ROBO1: variants seen among roughly 807,000 people sequenced by gnomAD.
ROBO1 encodes roundabout guidance receptor 1.
ROBO1 carries 149 observed loss-of-function variants against 195.9 expected under a neutral mutation model. The ratio of observed to expected loss-of-function variants is 0.76; its 90% CI spans 0.67 to 0.87. The LOEUF is 0.87. Ranked by LOEUF, ROBO1 falls within the 40% of genes least tolerant of loss-of-function variation. The pLI, the probability that ROBO1 is intolerant of heterozygous loss-of-function variation, is 0.00. For missense variants in ROBO1, 1,933 were observed against 2,068.3 expected (o/e 0.93, Z 1.27); for synonymous variants, 816 against 733.2 (o/e 1.11, Z -1.82).
rs535168326 is a variant in ROBO1 at position 79,096,748 on chromosome 3, GTATGTA to G, written c.172+28702_172+28707del. 2.1e-3 allele frequency among the ~76,000 whole-genome samples: 313 copies of G among 150,720 alleles called. 2 individuals are homozygous for G. The highest frequency in any genetic ancestry group is 0.01 in the Middle Eastern group (3 of 290). ...TAAATATGTATATATGTGTGTGTGT[GTATGTA>G]TATGTATATGTATATGTCCAAAGAA... is the stretch of plus-strand genomic sequence containing the variant. On this transcript the variant is annotated intron_variant, in intron 3 of 30. Transcript: ENST00000464233.
At chr3:78,817,669 A>G (rs1415356534) in intron 4 of ROBO1, among the ~76,000 whole-genome samples, 1 of 152,252 alleles carries the variant, frequency 6.6e-6, no homozygotes, top group Non-Finnish European at 1.5e-5. Context: ...GAAGATTTAC[A>G]TGGAAATACT....
Position 78,922,605 on chromosome 3 carries a change from CTTT to C in ROBO1, c.499+15993_499+15995del, listed in dbSNP as rs565147879. On this transcript the variant is annotated intron_variant, in intron 4 of 30. Coordinates refer to ENST00000464233, the MANE Select transcript of ROBO1 (RefSeq NM_002941.4). ...TTTTCTTCTTCTCCTTCTTCTTCTT[CTTT>C]TTTTTTTTTTTTTTTGACAGAGTCT... Among the ~76,000 whole-genome samples the C allele has an allele frequency of 2.5e-3, 311 of 123,156 alleles. 1 individual carries two copies. Among genetic ancestry groups the C allele is most frequent in the African/African-American group, 9.2e-3 (292 of 31,858 alleles). The allele number at this position is 123,156 out of a possible 152,430, so 80.8% of individuals were successfully genotyped here.
intron 8 of ROBO1, among the ~76,000 whole-genome samples, chr3:78,702,249 A>G (rs561449828): frequency 1.3e-5 from 2 of 152,276 alleles, no homozygotes; most frequent in Admixed American, 1.3e-4. Context: ...ATCTATCAAA[A>G]TATTTAAAAC....
chr3:79,425,556 A>G (rs2038411503), intron 2 of ROBO1, among the ~76,000 whole-genome samples: 2 of 152,130 alleles, frequency 1.3e-5, no homozygotes, highest in African/African-American at 2.4e-5. Flanking sequence ...TTCTTTGGCT[A>G]GCACTGAATT....
At chr3:78,913,054 C>T (rs916989870) in intron 4 of ROBO1, among the ~76,000 whole-genome samples, 4 of 152,008 alleles carry the variant, frequency 2.6e-5, no homozygotes, top group Admixed American at 2.6e-4. Flanking sequence ...AAAAATGTTA[C>T]CTTTATTTGA....
intron 4 of ROBO1, among the ~76,000 whole-genome samples, chr3:78,803,987 A>T (rs1036476554): frequency 6.6e-6 from 1 of 152,164 alleles, no homozygotes; most frequent in Admixed American, 6.5e-5. Context: ...AATCATATGC[A>T]CCTAGACCAT....
At chr3:78,884,124 T>A (rs1000975560) in intron 4 of ROBO1, among the ~76,000 whole-genome samples, 8 of 152,126 alleles carry the variant, frequency 5.3e-5, no homozygotes, top group African/African-American at 1.2e-4. Context: ...ATACATTTTT[T>A]AAAAAATGAA....
intron 1 of ROBO1, among the ~76,000 whole-genome samples, chr3:79,629,472 C>T (rs747212075): frequency 6.6e-6 from 1 of 151,764 alleles, no homozygotes; most frequent in Non-Finnish European, 1.5e-5. Flanking sequence ...CATACCGAAA[C>T]CTCGGGGATA....
intron 1 of ROBO1, among the ~76,000 whole-genome samples, chr3:79,711,777 G>A (rs1239553535): frequency 2.6e-5 from 4 of 152,106 alleles, no homozygotes; most frequent in African/African-American, 9.7e-5. Context: ...GTCTATGGAT[G>A]TCATTGTTCT....
chr3:79,572,853 T>A (rs1004308146), intron 2 of ROBO1, among the ~76,000 whole-genome samples: 2 of 152,130 alleles, frequency 1.3e-5, no homozygotes, highest in Non-Finnish European at 2.9e-5. Flanking sequence ...CGTACGTTTT[T>A]AAATCACACT....
chr3:79,408,723 G>T (rs1029724901), intron 2 of ROBO1, among the ~76,000 whole-genome samples: 6 of 152,028 alleles, frequency 3.9e-5, no homozygotes, highest in African/African-American at 1.4e-4. Context: ...TGCTTGTAAT[G>T]ATAGAAAATA....
chr3:79,560,535 T>TTATATATATATATATATATATATATATA (rs549034591), intron 2 of ROBO1, among the ~76,000 whole-genome samples: 16 of 115,196 alleles, frequency 1.4e-4, no homozygotes, highest in Admixed American at 1.7e-4. Flanking sequence ...ATAATAATAA[T>TTATATATATATATATATATATATATATA]TATATATATA....
At chr3:79,433,580 T>C (rs1013726525) in intron 2 of ROBO1, among the ~76,000 whole-genome samples, 9 of 152,070 alleles carry the variant, frequency 5.9e-5, no homozygotes, top group Non-Finnish European at 2.9e-5. Flanking sequence ...CAAGGTTCCA[T>C]GTTCATGGGT....
At chr3:79,067,943 G>T (rs1559635829) in intron 3 of ROBO1, among the ~76,000 whole-genome samples, 1 of 151,852 alleles carries the variant, frequency 6.6e-6, no homozygotes. Flanking sequence ...CTCACTGGCT[G>T]TTGGCCACAG....
intron 5 of ROBO1, among the ~76,000 whole-genome samples, chr3:78,743,495 G>A (rs2082582149): frequency 1.3e-5 from 2 of 151,946 alleles, no homozygotes; most frequent in South Asian, 2.1e-4. Flanking sequence ...GCATTGAACC[G>A]CTTTGCCTTT....
intron 2 of ROBO1, among the ~76,000 whole-genome samples, chr3:79,391,584 C>T (rs191284190): frequency 1.3e-5 from 2 of 152,056 alleles, no homozygotes; most frequent in Admixed American, 1.3e-4. Context: ...AATAGCTCAG[C>T]CTAGAAAAGC....
Position 79,615,153 on chromosome 3 carries a change from C to T in ROBO1, c.-50-25192G>A, listed in dbSNP as rs147964643. ...GACCGGTGTAACATTAAAACGGATA[C>T]TTAAGATGATCTTTTCTCTCTGAAG... On this transcript the variant is annotated intron_variant, in intron 1 of 30. Transcript: ENST00000464233. 2.0e-5 allele frequency among the ~76,000 whole-genome samples: 3 copies of T among 152,212 alleles called. No individual in the cohort carries two copies. The East Asian group carries it at 5.8e-4, about 29-fold the overall frequency.
intron 2 of ROBO1, among the ~76,000 whole-genome samples, chr3:79,211,218 A>G (rs1381584687): frequency 6.6e-6 from 1 of 152,126 alleles, no homozygotes; most frequent in African/African-American, 2.4e-5. Flanking sequence ...CAATCAAGTC[A>G]AGTGGTACTG....
intron 29 of ROBO1, among the ~76,000 whole-genome samples, chr3:78,600,690 G>T (rs1186822577): frequency 1.3e-5 from 2 of 152,200 alleles, no homozygotes; most frequent in African/African-American, 4.8e-5. Context: ...CAAAAAAAGT[G>T]ATGATAACAT....
Sources: gnomAD v4.1 joint callset for allele counts (sites outside exome capture counted in the v4.1 genomes callset) on GRCh38, gnomAD v4.1.1 for gene constraint, MANE v1.5 for transcripts, NCBI Gene and HGNC (gene_info 2026-07-23, HGNC 2026-07-21) for gene names.